Variants in XRCC5 observed in about 807,000 individuals in gnomAD.
The protein encoded by XRCC5 is X-ray repair cross complementing 5.
In XRCC5, 12 loss-of-function variants were observed where a neutral mutation model predicts 95.7. The observed-to-expected ratio is 0.13, with a 90% CI of 0.08 to 0.20. The LOEUF (loss-of-function observed/expected upper bound fraction) is 0.20, where lower values mean the gene tolerates loss of function less well. XRCC5 is among the 10% of genes least tolerant of loss of function. The probability of loss-of-function intolerance (pLI) is 1.00; values close to 1 mark genes in which losing one functional copy is unlikely to be tolerated. For missense variants in XRCC5, 595 were observed against 873.9 expected, an observed-to-expected ratio of 0.68 and a Z score of 4.02; for synonymous variants, 281 against 290.3, an observed-to-expected ratio of 0.97 and a Z score of 0.33.
At chr2:216,135,682 C>T (rs1299657050) in intron 10 of XRCC5, among the ~76,000 whole-genome samples, 1 of 152,008 alleles carries the variant, frequency 6.6e-6, no homozygotes, top group Non-Finnish European at 1.5e-5. Context: ...GCCTATAATT[C>T]CAGCTACTCG....
chr2:216,197,426 C>G (rs576591776), intron 19 of XRCC5, among the ~76,000 whole-genome samples: 46 of 126,538 alleles, frequency 3.6e-4, no homozygotes, highest in African/African-American at 1.4e-3. Context: ...GCCTGGACAA[C>G]GAAAGCGAAA....
chr2:216,203,402 G>A (rs1019893368), intron 19 of XRCC5, among the ~76,000 whole-genome samples: 6 of 152,278 alleles, frequency 3.9e-5, no homozygotes, highest in Admixed American at 2.6e-4. Context: ...GATAGGCATT[G>A]CTAGATAGAT....
chr2:216,159,542 A>G (rs1218971373), intron 14 of XRCC5, among the ~76,000 whole-genome samples: 2 of 152,176 alleles, frequency 1.3e-5, no homozygotes, highest in Admixed American at 6.5e-5. Flanking sequence ...AAGCTCTTGC[A>G]TAGTTAATTA....
intron 1 of XRCC5, 52 bp downstream of exon 1, chr2:216,109,509 G>C: frequency 6.2e-7 from 1 of 1,610,242 alleles, no homozygotes; most frequent in African/African-American, 1.3e-5. Flanking sequence ...GATCCGGAGA[G>C]GGTGGTTCGG....
chr2:216,170,156 A>G (rs888390779), intron 16 of XRCC5, among the ~76,000 whole-genome samples: 1 of 149,968 alleles, frequency 6.7e-6, no homozygotes, highest in Non-Finnish European at 1.5e-5. Flanking sequence ...GGTCCATTTC[A>G]TCAGTGGGGA....
chr2:216,117,650 T>C (rs1206006861), intron 3 of XRCC5, 96 bp from the exon 4 acceptor site: 15 of 1,248,842 alleles, frequency 1.2e-5, no homozygotes, highest in Non-Finnish European at 1.8e-5. Context: ...CATAGTTCAG[T>C]GTCCACAATT....
intron 14 of XRCC5, among the ~76,000 whole-genome samples, chr2:216,148,671 G>T (rs1033918669): frequency 6.6e-6 from 1 of 152,112 alleles, no homozygotes; most frequent in African/African-American, 2.4e-5. Flanking sequence ...TTAGATGTTG[G>T]GGATGTCAAT....
chr2:216,178,269 T>C lies in XRCC5; in HGVS notation c.1835-11956T>C, dbSNP rs76164086. On this transcript the variant is annotated intron_variant, in intron 16 of 20. Transcript: ENST00000392132. ...GCTTCCATTAAAAATAAGCACATGCTTATATGGGGGAAAATGCAAATAGTA... is the reference window on the plus strand; with the variant it reads ...GCTTCCATTAAAAATAAGCACATGCCTATATGGGGGAAAATGCAAATAGTA... Among the ~76,000 whole-genome samples, 316 of 152,296 alleles carry C rather than the reference T, an allele frequency of 2.1e-3. 1 individual carries two copies. The highest frequency in any genetic ancestry group is 7.0e-3 in the African/African-American group (292 of 41,562).
intron 11 of XRCC5, 28 bp downstream of exon 11, chr2:216,137,253 T>G (rs1339570412): frequency 1.3e-6 from 2 of 1,599,536 alleles, no homozygotes; most frequent in South Asian, 2.3e-5. Context: ...AATGTTATTT[T>G]TTTTCTTCAG....
intron 19 of XRCC5, among the ~76,000 whole-genome samples, chr2:216,198,347 T>C (rs1190170734): frequency 6.6e-6 from 1 of 152,152 alleles, no homozygotes; most frequent in Non-Finnish European, 1.5e-5. Context: ...ACCCTGTAAT[T>C]TTGACTCACC....
chr2:216,134,893 T>C (rs946471175), intron 10 of XRCC5, among the ~76,000 whole-genome samples: 3 of 152,262 alleles, frequency 2.0e-5, no homozygotes, highest in Admixed American at 1.3e-4. Context: ...TCATATTTGC[T>C]ACATATCTCA....
intron 16 of XRCC5, among the ~76,000 whole-genome samples, chr2:216,171,053 A>G (rs1356321291): frequency 1.3e-5 from 2 of 152,216 alleles, no homozygotes; most frequent in Non-Finnish European, 2.9e-5. Context: ...AATGACTTGA[A>G]GTGACTGCTG....
At chr2:216,132,422 AGAATT>A in intron 10 of XRCC5, 35 bp downstream of exon 10, 2 of 1,605,762 alleles carry the variant, frequency 1.2e-6, no homozygotes, top group South Asian at 1.1e-5. Context: ...GTAGTGCTAC[AGAATT>A]GAATTGTAAG....
At position 216,148,110 on chromosome 2, in the gene XRCC5, C is replaced by T. The variant is rs1000921610; in HGVS notation, c.1504C>T (p.Arg502Trp). 4 of 1,613,790 alleles carry T rather than the reference C, an allele frequency of 2.5e-6. No homozygotes were observed. The highest frequency in any genetic ancestry group is 2.5e-6 in the Non-Finnish European group (3 of 1,179,922). The change falls in exon 14 of 21, where the codon CGG becomes TGG. Residue 502 changes from arginine (R) to tryptophan (W), a missense_variant. Physicochemically the swap from Arg to Trp is moderately radical, Grantham distance 101. Transcript: ENST00000392132. ...QCLLHRALHP[R>W]EPLPPIQQHI... Reference sequence around the variant, plus strand: ...TCTGCTGCACAGAGCTTTACATCCCCGGGAGCCTCTACCCCCAATTCAGCA... The same window carrying T: ...TCTGCTGCACAGAGCTTTACATCCCTGGGAGCCTCTACCCCCAATTCAGCA...
intron 15 of XRCC5, among the ~76,000 whole-genome samples, chr2:216,161,773 A>G (rs1397280344): frequency 6.6e-6 from 1 of 152,230 alleles, no homozygotes; most frequent in Non-Finnish European, 1.5e-5. Flanking sequence ...AGGTGAGTGA[A>G]AGCACAGAGG....
At chr2:216,156,571 A>G (rs1559250274) in intron 14 of XRCC5, 1 of 591,644 alleles carries the variant, frequency 1.7e-6, no homozygotes, top group Non-Finnish European at 3.4e-6. Flanking sequence ...TAGCTTTCCC[A>G]TGGTACTCAC....
chr2:216,152,309 C>T (rs1418469551), intron 14 of XRCC5, among the ~76,000 whole-genome samples: 3 of 152,048 alleles, frequency 2.0e-5, no homozygotes, highest in Admixed American at 6.6e-5. Context: ...GCTGTGGTGG[C>T]ACAAGCCTGT....
chr2:216,114,178 T>C (rs1574449043), intron 2 of XRCC5, among the ~76,000 whole-genome samples: 1 of 152,282 alleles, frequency 6.6e-6, no homozygotes, highest in South Asian at 2.1e-4. Context: ...GTAAACACTA[T>C]GTAAGCATCA....
In XRCC5 at chr2:216,205,538, G is replaced by C. The variant is rs111325943; in HGVS notation, c.*336G>C. 3 of 297,162 alleles carry C rather than the reference G, an allele frequency of 1.0e-5. No homozygotes were observed. The highest frequency in any genetic ancestry group is 4.8e-5 in the Admixed American group (1 of 20,744). 18.4% of individuals were successfully genotyped at this position (297,162 alleles called of 1,614,324 possible). On this transcript the variant is annotated 3_prime_UTR_variant, in exon 21 of 21. Transcript: ENST00000392132. The stretch of plus-strand genomic sequence containing the variant: ...TTCTTGACCTAGTATATCAGTGACA[G>C]TTGCAGCCCTTGTGATGTGATTAGT...
Sources: allele counts gnomAD v4.1 joint callset (sites outside exome capture counted in the v4.1 genomes callset), GRCh38; gene constraint gnomAD v4.1.1; transcripts MANE v1.5; gene names NCBI Gene and HGNC (gene_info 2026-07-23, HGNC 2026-07-21).